The following RBFOX1 variants were observed in gnomAD, a reference collection of about 807,000 sequenced individuals.
RBFOX1 encodes the protein RNA binding fox-1 homolog 1, also known as RNA binding protein fox-1 homolog 1.
RBFOX1 carries 8 observed loss-of-function variants against 57.7 expected under a neutral mutation model. That is an observed-to-expected ratio of 0.14 (90% CI 0.08 to 0.25). RBFOX1 has a LOEUF of 0.25. Ranked by LOEUF, RBFOX1 falls within the 10% of genes least tolerant of loss-of-function variation. The pLI is 1.00. For synonymous variants in RBFOX1, 326 were observed against 222.4 expected, an observed-to-expected ratio of 1.47 and a Z score of -4.15; for missense variants, 611 against 548.5, an observed-to-expected ratio of 1.11 and a Z score of -1.14.
At chr16:6,766,418 C>T (rs2077338019) in intron 3 of RBFOX1, among the ~76,000 whole-genome samples, 1 of 151,968 alleles carries the variant, frequency 6.6e-6, no homozygotes, top group Non-Finnish European at 1.5e-5. Flanking sequence ...CCTGGGAGGC[C>T]TTTCAAAGGT....
At chr16:7,192,949 C>T (rs952683779) in intron 4 of RBFOX1, among the ~76,000 whole-genome samples, 2 of 152,180 alleles carry the variant, frequency 1.3e-5, no homozygotes, top group African/African-American at 4.8e-5. Flanking sequence ...AGATCTCTTC[C>T]CCTCCTCTTT....
intron 11 of RBFOX1, among the ~76,000 whole-genome samples, chr16:7,647,759 G>A (rs548506857): frequency 6.6e-6 from 1 of 152,204 alleles, no homozygotes; most frequent in South Asian, 2.1e-4. Flanking sequence ...ATTTTGCATT[G>A]GCTTTATTAA....
chr16:6,305,792 G>A (rs2079439040), intron 1 of RBFOX1, among the ~76,000 whole-genome samples: 1 of 151,986 alleles, frequency 6.6e-6, no homozygotes, highest in African/African-American at 2.4e-5. Context: ...AGCAAATGCT[G>A]GAGCTGCCAG....
At chr16:7,231,166 G>A (rs940909856) in intron 4 of RBFOX1, among the ~76,000 whole-genome samples, 2 of 152,158 alleles carry the variant, frequency 1.3e-5, no homozygotes, top group Non-Finnish European at 2.9e-5. Context: ...GACCACTATA[G>A]CTTAAAACTC....
intron 3 of RBFOX1, among the ~76,000 whole-genome samples, chr16:6,939,315 A>T (rs1008264575): frequency 6.6e-6 from 1 of 152,126 alleles, no homozygotes; most frequent in African/African-American, 2.4e-5. Context: ...TGAAATAACA[A>T]TAAATTACCT....
chr16:7,118,830 C>G (rs2066483091), intron 4 of RBFOX1, among the ~76,000 whole-genome samples: 1 of 152,106 alleles, frequency 6.6e-6, no homozygotes, highest in South Asian at 2.1e-4. Flanking sequence ...TACCAGGGCA[C>G]CGAAAGAGAG....
At chr16:6,228,704 C>T (rs1567724384) in intron 1 of RBFOX1, among the ~76,000 whole-genome samples, 1 of 151,788 alleles carries the variant, frequency 6.6e-6, no homozygotes, top group African/African-American at 2.4e-5. Context: ...TTCAGGTAGG[C>T]GGGAGGAGTA....
At chr16:5,957,039 T>C (rs184400915) in intron 4 of RBFOX1, among the ~76,000 whole-genome samples, 30 of 152,078 alleles carry the variant, frequency 2.0e-4, no homozygotes, top group Admixed American at 1.0e-3. Context: ...AGTGGAAATA[T>C]TTACACCACA....
At chr16:5,911,166 A>G (rs993517304) in intron 4 of RBFOX1, among the ~76,000 whole-genome samples, 1 of 152,154 alleles carries the variant, frequency 6.6e-6, no homozygotes, top group Non-Finnish European at 1.5e-5. Flanking sequence ...CATAGGTCCT[A>G]CCTGCAGACA....
intron 2 of RBFOX1, among the ~76,000 whole-genome samples, chr16:6,363,740 A>G (rs1191789310): frequency 2.0e-5 from 3 of 152,234 alleles, no homozygotes; most frequent in Non-Finnish European, 4.4e-5. Flanking sequence ...GTAGAAATCA[A>G]TCGCTCTGTT....
At chr16:6,878,654 C>G (rs368939434) in intron 3 of RBFOX1, among the ~76,000 whole-genome samples, 1 of 152,056 alleles carries the variant, frequency 6.6e-6, no homozygotes, top group East Asian at 1.9e-4. Context: ...TTCGTGTTAG[C>G]GTCAGTTTAA....
intron 4 of RBFOX1, among the ~76,000 whole-genome samples, chr16:7,185,199 C>G (rs558145438): frequency 6.6e-6 from 1 of 151,926 alleles, no homozygotes; most frequent in South Asian, 2.1e-4. Flanking sequence ...TTATACCTCT[C>G]TCTCTCTCTC....
At chr16:6,493,557 A>G (rs1448378456) in intron 2 of RBFOX1, among the ~76,000 whole-genome samples, 1 of 152,176 alleles carries the variant, frequency 6.6e-6, no homozygotes, top group Non-Finnish European at 1.5e-5. Context: ...GCTGTGTATG[A>G]AAATTGTATT....
At chr16:6,530,897 A>T (rs942373454) in intron 2 of RBFOX1, among the ~76,000 whole-genome samples, 1 of 152,136 alleles carries the variant, frequency 6.6e-6, no homozygotes, top group Non-Finnish European at 1.5e-5. Flanking sequence ...TGAGATTTGC[A>T]TAGGGTCACA....
chr16:6,928,512 A>C (rs937005060), intron 3 of RBFOX1, among the ~76,000 whole-genome samples: 2 of 152,156 alleles, frequency 1.3e-5, no homozygotes, highest in East Asian at 3.9e-4. Context: ...TTAATTATGC[A>C]CCTCTTGTCT....
At chr16:6,644,658 T>C (rs1192720132) in intron 2 of RBFOX1, among the ~76,000 whole-genome samples, 1 of 152,178 alleles carries the variant, frequency 6.6e-6, no homozygotes, top group Non-Finnish European at 1.5e-5. Flanking sequence ...AGCATCCTGG[T>C]CTTTTCTTTC....
intron 4 of RBFOX1, among the ~76,000 whole-genome samples, chr16:5,904,110 G>T (rs931748428): frequency 2.9e-4 from 44 of 152,088 alleles, no homozygotes; most frequent in African/African-American, 9.7e-4. Context: ...TGCAGGTAAG[G>T]CGAATGGGCC....
At chr16:6,177,626 C>A (rs1193643690) in intron 1 of RBFOX1, among the ~76,000 whole-genome samples, 1 of 152,070 alleles carries the variant, frequency 6.6e-6, no homozygotes, top group East Asian at 1.9e-4. Context: ...CACTGTCATC[C>A]CAGCAAGATA....
intron 2 of RBFOX1, among the ~76,000 whole-genome samples, chr16:6,374,727 C>G (rs867207032): frequency 6.6e-6 from 1 of 152,302 alleles, no homozygotes; most frequent in East Asian, 1.9e-4. Flanking sequence ...GTTATTGCCA[C>G]TGGCTGGTAT....
Sources: gnomAD v4.1 joint callset for allele counts (sites outside exome capture counted in the v4.1 genomes callset) on GRCh38, gnomAD v4.1.1 for gene constraint, MANE v1.5 for transcripts, NCBI Gene and HGNC (gene_info 2026-07-23, HGNC 2026-07-21) for gene names.